FAM193A: variants seen among roughly 807,000 people sequenced by gnomAD.
FAM193A encodes protein FAM193A.
FAM193A carries 22 observed loss-of-function variants against 126.5 expected under a neutral mutation model. That is an observed-to-expected ratio of 0.17 (90% CI 0.12 to 0.25). The LOEUF is 0.25. Among genes scored for constraint, FAM193A ranks in the 10% least tolerant of loss-of-function variants. The pLI, the probability that FAM193A is intolerant of heterozygous loss-of-function variation, is 1.00. For missense variants in FAM193A, 1,675 were observed against 1,672.8 expected (o/e 1.00, Z -0.02); for synonymous variants, 761 against 646.8 (o/e 1.18, Z -2.68).
chr4:2,717,711 G>A lies in FAM193A; in HGVS notation c.4454+1607G>A, dbSNP rs1047866871. Among the ~76,000 whole-genome samples the A allele has an allele frequency of 2.7e-4, 41 of 150,436 alleles. 1 individual carries two copies. Among genetic ancestry groups the A allele is most frequent in the African/African-American group, 7.4e-4 (30 of 40,782 alleles). ...TGAGGTTGCAGTGAACTATGATCACGGCACTTGCACTCTAGCCTGGGCAAC... is the reference window on the plus strand; with the variant it reads ...TGAGGTTGCAGTGAACTATGATCACAGCACTTGCACTCTAGCCTGGGCAAC... On this transcript the variant is annotated intron_variant, in intron 20 of 20. Transcript: ENST00000637812.
In FAM193A at chr4:2,663,099, G is replaced by A; in HGVS notation, c.1900-10G>A. The A allele has an allele frequency of 6.2e-7, 1 of 1,608,074 alleles. No homozygotes were observed. The highest frequency in any genetic ancestry group is 1.1e-5 in the South Asian group (1 of 90,538). On this transcript the variant is annotated splice_polypyrimidine_tract_variant and intron_variant, in intron 11 of 20. Coordinates refer to ENST00000637812, the MANE Select transcript of FAM193A (RefSeq NM_001366318.2). Reference sequence around the variant, plus strand: ...TGAAAAGTGCAAATTACAAAAGATTGTCTTTAAAGTCTCCTCAGATAAGCA... The same window carrying A: ...TGAAAAGTGCAAATTACAAAAGATTATCTTTAAAGTCTCCTCAGATAAGCA...
At position 2,578,450 on chromosome 4, in the gene FAM193A, GT is replaced by G. The variant is rs67824037; in HGVS notation, c.256-17624del. On this transcript the variant is annotated intron_variant, in intron 1 of 20. Coordinates refer to ENST00000637812, the MANE Select transcript of FAM193A (RefSeq NM_001366318.2). ...GATTCTGTGGCAACCTTCTTGGTAG[GT>G]TTTTTTTTTCCCCCCTCAATCTTCC... Among the ~76,000 whole-genome samples the G allele has an allele frequency of 4.4e-3, 658 of 149,866 alleles. 4 individuals carry two copies. The highest frequency in any genetic ancestry group is 0.015 in the African/African-American group (593 of 40,872).
chr4:2,566,874 C>G (rs1270109607), intron 1 of FAM193A, among the ~76,000 whole-genome samples: 1 of 151,912 alleles, frequency 6.6e-6, no homozygotes, highest in Non-Finnish European at 1.5e-5. Context: ...GTGATACCTT[C>G]TGATTACTAT....
At chr4:2,601,399 A>T (rs1391018438) in intron 2 of FAM193A, among the ~76,000 whole-genome samples, 1 of 150,986 alleles carries the variant, frequency 6.6e-6, no homozygotes, top group Non-Finnish European at 1.5e-5. Context: ...CACCCAGCTA[A>T]TTTTTTTGTA....
intron 4 of FAM193A, among the ~76,000 whole-genome samples, chr4:2,629,642 A>G (rs914768573): frequency 6.6e-6 from 1 of 152,244 alleles, no homozygotes; most frequent in African/African-American, 2.4e-5. Flanking sequence ...TGTAAAATCC[A>G]GGAGCTGTAG....
At chr4:2,651,128 C>G (rs374163356) in intron 7 of FAM193A, among the ~76,000 whole-genome samples, 7 of 152,140 alleles carry the variant, frequency 4.6e-5, no homozygotes, top group East Asian at 3.9e-4. Flanking sequence ...GTCGGGAGTT[C>G]AAGACCAGCC....
At chr4:2,542,300 C>T (rs984514060) in intron 1 of FAM193A, among the ~76,000 whole-genome samples, 33 of 151,628 alleles carry the variant, frequency 2.2e-4, no homozygotes, top group African/African-American at 7.8e-4. Context: ...CAACCACGCC[C>T]GGCCATTTTT....
rs34305537 is a variant in FAM193A, at chr4:2,620,836, CAAAA to C, written c.502-4407_502-4404del. On this transcript the variant is annotated intron_variant, in intron 2 of 20. Transcript: ENST00000637812. ...GGGCAAGAAGACTGCAACTCCGTCT[CAAAA>C]AAAAAAAAAAAAAAAAAAGTAATTA... 3.5e-3 allele frequency among the ~76,000 whole-genome samples: 242 copies of C among 69,092 alleles called. 2 individuals carry two copies. The highest frequency in any genetic ancestry group is 0.011 in the African/African-American group (187 of 16,502). The allele number at this position is 69,092 out of a possible 152,430, so 45.3% of individuals were successfully genotyped here.
intron 2 of FAM193A, 21 bp downstream of exon 2, chr4:2,596,350 G>T: frequency 1.4e-6 from 1 of 696,322 alleles, no homozygotes; most frequent in South Asian, 1.5e-5. Context: ...GCCAGCACAG[G>T]CAGCGCAGGG....
At chr4:2,607,944 T>C in intron 2 of FAM193A, 1 of 1,410,700 alleles carries the variant, frequency 7.1e-7, no homozygotes, top group East Asian at 2.4e-5. Context: ...TGAACACAGA[T>C]TCTTTTCTTT....
intron 1 of FAM193A, among the ~76,000 whole-genome samples, chr4:2,539,196 CT>C (rs1737073131): frequency 1.3e-5 from 2 of 152,032 alleles, no homozygotes; most frequent in South Asian, 4.1e-4. Context: ...CCAGCCCTGC[CT>C]TTATTATTTT....
intron 2 of FAM193A, among the ~76,000 whole-genome samples, chr4:2,620,222 G>A (rs1444922203): frequency 2.0e-5 from 3 of 152,188 alleles, no homozygotes; most frequent in Non-Finnish European, 1.5e-5. Flanking sequence ...TAGTCATCAT[G>A]TACCCTATTT....
chr4:2,582,517 T>C (rs550867752), intron 1 of FAM193A, among the ~76,000 whole-genome samples: 4 of 152,308 alleles, frequency 2.6e-5, no homozygotes, highest in African/African-American at 4.8e-5. Flanking sequence ...TGCGCATGAC[T>C]TTTGTCCTAA....
chr4:2,707,358 A>C (rs1057075869), intron 19 of FAM193A, among the ~76,000 whole-genome samples: 4 of 152,108 alleles, frequency 2.6e-5, no homozygotes, highest in Non-Finnish European at 5.9e-5. Context: ...CATTGTTTTT[A>C]ATTTAAATGG....
Position 2,579,058 on chromosome 4 carries a change from T to G in FAM193A, c.256-17026T>G, listed in dbSNP as rs1390979955. ...ACAGTAAAAGAGATGGGGGTCTTGC[T>G]TTTGTTGCCCAGACTGGTCTTGAAC... On this transcript the variant is annotated intron_variant, in intron 1 of 20. Transcript: ENST00000637812. Among the ~76,000 whole-genome samples the G allele has an allele frequency of 5.3e-5, 8 of 152,026 alleles. 1 individual carries two copies. Among genetic ancestry groups the G allele is most frequent in the Admixed American group, 2.6e-4 (4 of 15,266 alleles).
At chr4:2,633,455 G>A (rs553499924) in intron 5 of FAM193A, among the ~76,000 whole-genome samples, 3 of 151,868 alleles carry the variant, frequency 2.0e-5, no homozygotes, top group African/African-American at 7.2e-5. Context: ...TGAAAAAAAT[G>A]CATACACCCA....
chr4:2,698,632 A>G (rs1211697728), intron 18 of FAM193A, among the ~76,000 whole-genome samples: 2 of 152,230 alleles, frequency 1.3e-5, no homozygotes, highest in African/African-American at 2.4e-5. Context: ...CTATTTCTCT[A>G]GGAGAAATGC....
intron 19 of FAM193A, among the ~76,000 whole-genome samples, chr4:2,707,618 T>C (rs1319993516): frequency 2.0e-5 from 3 of 152,120 alleles, no homozygotes; most frequent in Non-Finnish European, 4.4e-5. Context: ...CTGCAATTAA[T>C]TTCACCCGTT....
chr4:2,636,823 T>C (rs1311528251), intron 5 of FAM193A, among the ~76,000 whole-genome samples: 1 of 152,234 alleles, frequency 6.6e-6, no homozygotes, highest in African/African-American at 2.4e-5. Context: ...TAATTTGCTG[T>C]GCAAACTCTG....
Sources: gnomAD v4.1 joint callset for allele counts (sites outside exome capture counted in the v4.1 genomes callset) on GRCh38, gnomAD v4.1.1 for gene constraint, MANE v1.5 for transcripts, NCBI Gene and HGNC (gene_info 2026-07-23, HGNC 2026-07-21) for gene names.